PLPPR3: variants seen among roughly 807,000 people sequenced by gnomAD.
PLPPR3 encodes the protein phospholipid phosphatase-related protein type 3.
Under a neutral mutation model 27.3 loss-of-function variants are expected in PLPPR3, and 14 were observed. The ratio of observed to expected loss-of-function variants is 0.51; its 90% CI spans 0.34 to 0.80. The LOEUF is 0.80. Ranked by LOEUF, PLPPR3 falls within the 30% of genes least tolerant of loss-of-function variation. The probability of loss-of-function intolerance (pLI) is 0.01; values close to 1 mark genes in which losing one functional copy is unlikely to be tolerated. For synonymous variants in PLPPR3, 671 were observed against 508.0 expected, an observed-to-expected ratio of 1.32 and a Z score of -4.32; for missense variants, 1,287 against 1,056.9, an observed-to-expected ratio of 1.22 and a Z score of -3.02.
At chr19:815,136 C>T (rs373598945) in intron 4 of PLPPR3, 50 bp downstream of exon 4, 3 of 1,600,500 alleles carry the variant, frequency 1.9e-6, no homozygotes, top group Non-Finnish European at 2.5e-6. Context: ...GACAGCCCCA[C>T]CCCCTGCATG....
chr19:817,967 G>A (rs2035086189), intron 2 of PLPPR3, among the ~76,000 whole-genome samples: 1 of 152,136 alleles, frequency 6.6e-6, no homozygotes, highest in Non-Finnish European at 1.5e-5. Context: ...TGTGGGAGGT[G>A]GCCCCTGGCA....
In PLPPR3 at chr19:814,424, T is replaced by C. The variant is rs754566175; in HGVS notation, c.831+10A>G. The C allele has an allele frequency of 3.8e-6, 6 of 1,591,768 alleles. No homozygotes were observed. Among genetic ancestry groups the C allele is most frequent in the Admixed American group, 3.4e-5 (2 of 59,460 alleles). On this transcript the variant is annotated intron_variant, in intron 7 of 7. Transcript: ENST00000520876. ...ACCCATGCCGACCCCCATCAGAACC[T>C]GCCACTCACCAGGTAGGCAGCGATG...
At position 812,796 on chromosome 19, in the gene PLPPR3, C is replaced by T; in HGVS notation, c.1931G>A (p.Ser644Asn). 9.2e-7 allele frequency: 1 copy of T among 1,092,306 alleles called. No individual in the cohort carries two copies. The highest frequency in any genetic ancestry group is 1.1e-6 in the Non-Finnish European group (1 of 897,756). The allele number at this position is 1,092,306 out of a possible 1,614,324, so 67.7% of individuals were successfully genotyped here. ...PPGVSPGSSVSDVDQEEPRFG... is the reference protein window; with the variant it reads ...PPGVSPGSSVNDVDQEEPRFG... The stretch of plus-strand genomic sequence containing the variant: ...CCGCGGCTCCTCCTGGTCCACGTCG[C>T]TGACCGACGAGCCGGGGGACACGCC... The change falls in exon 8 of 8, where the codon AGC becomes AAC. Residue 644 changes from serine (S) to asparagine (N), a missense_variant. Coordinates refer to ENST00000520876, the MANE Select transcript of PLPPR3 (RefSeq NM_001270366.2).
chr19:813,010 A>G lies in PLPPR3; in HGVS notation c.1717T>C (p.Ser573Pro). The stretch of plus-strand genomic sequence containing the variant: ...ACGATGCTGGCGGAGTCGCGGTCCG[A>G]CGGCGACCGGTACTGCGAGGAGTCG... ...SSDSSQYRSP[S>P]DRDSASIVTI... Residue 573 changes from serine to proline, a missense_variant, in exon 8 of 8, where the codon TCG (serine) becomes CCG (proline). Ser to Pro is a moderately conservative substitution (Grantham distance 74). Transcript: ENST00000520876. The surrounding 1 kb of genome is among the most constrained non-coding windows in gnomAD (Gnocchi z 4.1). 1 of 1,517,856 alleles carries G rather than the reference A, an allele frequency of 6.6e-7. No individual in the cohort carries two copies. The highest frequency in any genetic ancestry group is 8.8e-7 in the Non-Finnish European group (1 of 1,140,530). 94.0% of individuals were successfully genotyped at this position (1,517,856 alleles called of 1,614,324 possible). A position where few individuals can be genotyped will look rare whatever the true frequency, so the allele number is the denominator to read the frequency against.
At chr19:815,873 G>A (rs2035045140) in intron 2 of PLPPR3, 22 bp from the exon 3 acceptor site, 14 of 1,608,764 alleles carry the variant, frequency 8.7e-6, no homozygotes, top group Middle Eastern at 1.7e-4. Context: ...AGGTGGGCCA[G>A]GTTCACCCTG....
chr19:813,414 G>A lies in PLPPR3; in HGVS notation c.1313C>T (p.Pro438Leu). ...SPGHLRAPAE[P>L]MAEEEEEEED... ...CTCCTCTTCCTCCTCCTCCGCCATG[G>A]GTTCGGCGGGCGCGCGCAGGTGCCC... is the stretch of plus-strand genomic sequence containing the variant. Residue 438 changes from proline to leucine, a missense_variant, in exon 8 of 8, where the codon CCC becomes CTC. Physicochemically the swap from Pro to Leu is moderately conservative, Grantham distance 98. Transcript: ENST00000520876. The surrounding 1 kb of genome is among the most constrained non-coding windows in gnomAD (Gnocchi z 4.1). 6.7e-7 allele frequency: 1 copy of A among 1,499,230 alleles called. No individual in the cohort carries two copies. The highest frequency in any genetic ancestry group is 8.8e-7 in the Non-Finnish European group (1 of 1,131,756). 92.9% of individuals were successfully genotyped at this position (1,499,230 alleles called of 1,614,324 possible).
At position 814,606 on chromosome 19, in the gene PLPPR3, A is replaced by G; in HGVS notation, c.659T>C (p.Met220Thr). ...LSAFAAVYVS[M>T]YFNSVISDTT... ...GTCCGAGATGACCGAGTTGAAGTACATCTGGGGCATGGGGGTTGGGGTCAG... is the reference window on the plus strand; with the variant it reads ...GTCCGAGATGACCGAGTTGAAGTACGTCTGGGGCATGGGGGTTGGGGTCAG... Residue 220 changes from methionine to threonine, a missense_variant and splice_region_variant, in exon 7 of 8, where the codon ATG (methionine) becomes ACG (threonine). Transcript: ENST00000520876. 6.2e-7 allele frequency: 1 copy of G among 1,611,922 alleles called. No individual in the cohort carries two copies. Among genetic ancestry groups the G allele is most frequent in the Non-Finnish European group, 8.5e-7 (1 of 1,179,972 alleles).
At chr19:816,101 C>A (rs2035048229) in intron 2 of PLPPR3, among the ~76,000 whole-genome samples, 4 of 152,048 alleles carry the variant, frequency 2.6e-5, no homozygotes, top group Non-Finnish European at 5.9e-5. Context: ...CCAACATCCA[C>A]CCACTCACCG....
rs1234188631 is a variant in PLPPR3 at position 812,918 on chromosome 19, C to G, written c.1809G>C (p.Glu603Asp). 1.2e-5 allele frequency: 16 copies of G among 1,323,318 alleles called. No individual in the cohort carries two copies. The highest frequency in any genetic ancestry group is 1.2e-5 in the Non-Finnish European group (12 of 1,033,442). The allele number at this position is 1,323,318 out of a possible 1,614,324, so 82.0% of individuals were successfully genotyped here. A position where few individuals can be genotyped will look rare whatever the true frequency, so the allele number is the denominator to read the frequency against. Residue 603 changes from glutamate (E) to aspartate (D), a missense_variant, in exon 8 of 8, where the codon GAG becomes GAC. Physicochemically the swap from Glu to Asp is conservative, Grantham distance 45. Transcript: ENST00000520876. ...TGGCCCCGCCGCCCGCCGCCTTCCA[C>G]TCCCAGGGCGCGCCGCCGGCCGACA... ...VHLSAGGAPWEWKAAGGGAKA... is the reference protein window; with the variant it reads ...VHLSAGGAPWDWKAAGGGAKA...
chr19:816,992 T>C (rs1445553025), intron 2 of PLPPR3, among the ~76,000 whole-genome samples: 1 of 139,404 alleles, frequency 7.2e-6, no homozygotes, highest in Non-Finnish European at 1.6e-5. Flanking sequence ...TCCATCCATC[T>C]ATCCACCCTC....
At chr19:817,585 C>T (rs1264205432) in intron 2 of PLPPR3, among the ~76,000 whole-genome samples, 3 of 152,158 alleles carry the variant, frequency 2.0e-5, no homozygotes, top group Non-Finnish European at 4.4e-5. Flanking sequence ...TGGCCCCAGT[C>T]GTAATTTCTG....
chr19:823,446 A>AAAAAACAAAC (rs1555703847), upstream of PLPPR3, among the ~76,000 whole-genome samples: 1 of 84,268 alleles, frequency 1.2e-5, no homozygotes, highest in Non-Finnish European at 2.2e-5. Flanking sequence ...TATCTCAAAA[A>AAAAAACAAAC]AAAAAAAAAA....
Position 815,063 on chromosome 19 carries a change from A to T in PLPPR3, c.422T>A (p.Leu141Gln), listed in dbSNP as rs748721869. ...GTCCGTCACCAGGGCTGTGGCACAC[A>T]GGCCGAACACGTGGACACCTGCAGG... ...VRFVGVHVFG[L>Q]CATALVTDVI... The change falls in exon 5 of 8, where the codon CTG (leucine) becomes CAG (glutamine). Residue 141 changes from leucine (L) to glutamine (Q), a missense_variant. By Grantham distance (113) the Leu-to-Gln change is moderately radical. Transcript: ENST00000520876. 1.2e-6 allele frequency: 2 copies of T among 1,606,596 alleles called. No homozygotes were observed. Among genetic ancestry groups the T allele is most frequent in the African/African-American group, 2.7e-5 (2 of 74,926 alleles).
intron 1 of PLPPR3, 77 bp from the exon 2 acceptor site, chr19:821,662 G>A: frequency 1.3e-6 from 1 of 764,800 alleles, no homozygotes. Context: ...GCGCCGGCGG[G>A]GGAGGGGCGG....
intron 5 of PLPPR3, 41 bp from the exon 6 acceptor site, chr19:814,790 C>A (rs879071023): frequency 6.4e-7 from 1 of 1,558,860 alleles, no homozygotes; most frequent in South Asian, 1.2e-5. Flanking sequence ...CACCTGGGGA[C>A]CCCAGCTCCA....
At position 813,774 on chromosome 19, in the gene PLPPR3, T is replaced by C. The variant is rs755722115; in HGVS notation, c.953A>G (p.Asn318Ser). 3.3e-5 allele frequency: 51 copies of C among 1,528,360 alleles called. No individual in the cohort carries two copies. In the Admixed American group the frequency reaches 1.0e-3, roughly 30 times the overall value. 94.7% of individuals were successfully genotyped at this position (1,528,360 alleles called of 1,614,324 possible). A position where few individuals can be genotyped will look rare whatever the true frequency, so the allele number is the denominator to read the frequency against. ...CAGCTCGTCGGTGCTCACCGACTTA[T>C]TCTGCTGATAAACCGAGTCGTGGCC... ...QRGHDSVYQQ[N>S]KSVSTDELGP... The change falls in exon 8 of 8, where the codon AAT becomes AGT. Residue 318 changes from asparagine to serine, a missense_variant. Asn to Ser is a conservative substitution (Grantham distance 46). Transcript: ENST00000520876. This position sits in a 1 kb window ranked among gnomAD's most constrained non-coding sequence, Gnocchi z 4.1.
intron 2 of PLPPR3, among the ~76,000 whole-genome samples, chr19:819,509 C>G (rs994878316): frequency 1.3e-5 from 2 of 151,758 alleles, no homozygotes; most frequent in East Asian, 1.9e-4. Flanking sequence ...AGGCTGGTCT[C>G]GAACTCCTGA....
At position 813,956 on chromosome 19, in the gene PLPPR3, CGTTGGACTTG is replaced by C; in HGVS notation, c.832-71_832-62del. ...GCTCAGAGGGCTCCTCCCCTGTGAT[CGTTGGACTTG>C]CCGCGGGGGGCTCTGGACCGGGGGT... is the stretch of plus-strand genomic sequence containing the variant. On this transcript the variant is annotated intron_variant, in intron 7 of 7. Coordinates refer to ENST00000520876, the MANE Select transcript of PLPPR3 (RefSeq NM_001270366.2). This position sits in a 1 kb window ranked among gnomAD's most constrained non-coding sequence, Gnocchi z 4.1. 1 of 1,404,196 alleles carries C rather than the reference CGTTGGACTTG, an allele frequency of 7.1e-7. No homozygotes were observed. Among genetic ancestry groups the C allele is most frequent in the South Asian group, 1.6e-5 (1 of 64,004 alleles). 87.0% of individuals were successfully genotyped at this position (1,404,196 alleles called of 1,614,324 possible). A position where few individuals can be genotyped will look rare whatever the true frequency, so the allele number is the denominator to read the frequency against.
Position 813,847 on chromosome 19 carries a change from C to T in PLPPR3, c.880G>A (p.Ala294Thr), listed in dbSNP as rs1016395691. The part of the protein sequence containing the change: ...NFQAPPAEKP[A>T]APAPAKDALR... Reference sequence around the variant, plus strand: ...GCGTCCTTGGCGGGGGCCGGGGCCGCGGGCTTCTCTGCAGGTGGGGCCTGG... The same window carrying T: ...GCGTCCTTGGCGGGGGCCGGGGCCGTGGGCTTCTCTGCAGGTGGGGCCTGG... The change falls in exon 8 of 8, where the codon GCG becomes ACG. Residue 294 changes from alanine to threonine, a missense_variant. Transcript: ENST00000520876. This position sits in a 1 kb window ranked among gnomAD's most constrained non-coding sequence, Gnocchi z 4.1. 6.8e-6 allele frequency: 10 copies of T among 1,467,734 alleles called. No homozygotes were observed. The highest frequency in any genetic ancestry group is 1.4e-5 in the South Asian group (1 of 72,828). The allele number at this position is 1,467,734 out of a possible 1,614,324, so 90.9% of individuals were successfully genotyped here. A position where few individuals can be genotyped will look rare whatever the true frequency, so the allele number is the denominator to read the frequency against.
Sources: allele counts gnomAD v4.1 joint callset (sites outside exome capture counted in the v4.1 genomes callset), GRCh38; gene constraint gnomAD v4.1.1; non-coding constraint Gnocchi (gnomAD v3.1); transcripts MANE v1.5; gene names NCBI Gene and HGNC (gene_info 2026-07-23, HGNC 2026-07-21).